COL5A2: variants seen among roughly 807,000 people sequenced by gnomAD.
The protein encoded by COL5A2 is collagen alpha-2(V) chain.
In COL5A2, 23 loss-of-function variants were observed where a neutral mutation model predicts 208.2. That is an observed-to-expected ratio of 0.11 (90% CI 0.08 to 0.16). The LOEUF is 0.16. COL5A2 is among the 10% of genes least tolerant of loss of function. COL5A2 has a pLI of 1.00. For missense variants in COL5A2, 1,590 were observed against 1,956.4 expected (o/e 0.81, Z 3.53); for synonymous variants, 625 against 628.5 (o/e 0.99, Z 0.08).
chr2:189,329,408 GC>G, the COL5A2 span, among the ~76,000 whole-genome samples: 2 of 152,128 alleles, frequency 1.3e-5, no homozygotes, highest in African/African-American at 4.8e-5. Flanking sequence ...CTATTGTACA[GC>G]ATGGTGACTA....
the COL5A2 span, among the ~76,000 whole-genome samples, chr2:189,330,592 C>T: frequency 6.6e-6 from 1 of 152,182 alleles, no homozygotes; most frequent in Non-Finnish European, 1.5e-5. Flanking sequence ...AGACAGAAAT[C>T]TCTGTCCGTT....
chr2:189,419,253 T>C, the COL5A2 span, among the ~76,000 whole-genome samples: 2 of 152,220 alleles, frequency 1.3e-5, no homozygotes, highest in Non-Finnish European at 2.9e-5. Flanking sequence ...AGTCTACCAA[T>C]GTACAAGTTC....
chr2:189,187,248 T>C (rs901728725), intron 1 of COL5A2, among the ~76,000 whole-genome samples: 2 of 152,240 alleles, frequency 1.3e-5, no homozygotes, highest in Non-Finnish European at 2.9e-5. Flanking sequence ...AAGTGACTTG[T>C]CAGAAGTCAC....
the COL5A2 span, among the ~76,000 whole-genome samples, chr2:189,428,629 A>T: frequency 6.7e-6 from 1 of 148,268 alleles, no homozygotes; most frequent in East Asian, 1.9e-4. Context: ...AAAAAAAAAT[A>T]AAAAAGTATG....
the COL5A2 span, among the ~76,000 whole-genome samples, chr2:189,284,716 G>A: frequency 6.6e-6 from 1 of 152,054 alleles, no homozygotes; most frequent in Non-Finnish European, 1.5e-5. Context: ...TTAACAACAA[G>A]GATATTTTCT....
chr2:189,160,427 A>G (rs551684633), intron 1 of COL5A2, among the ~76,000 whole-genome samples: 1 of 151,984 alleles, frequency 6.6e-6, no homozygotes, highest in South Asian at 2.1e-4. Flanking sequence ...CTTTTTTTCT[A>G]TCTTCAACAT....
chr2:189,100,141 T>C lies in COL5A2; in HGVS notation c.337-2A>G. 1 of 1,610,528 alleles carries C rather than the reference T, an allele frequency of 6.2e-7. No individual in the cohort carries two copies. Among genetic ancestry groups the C allele is most frequent in the Non-Finnish European group, 8.5e-7 (1 of 1,176,986 alleles). On this transcript the variant is annotated splice_acceptor_variant, in intron 3 of 53. Transcript: ENST00000374866. LOFTEE classifies it high-confidence loss of function. ...TAATCCTGGTTCTCCCTTTTGTCCC[T>C]GTGACATTAAAAACAATTCAAAAAT...
chr2:189,035,248 T>C (rs995102589), intron 52 of COL5A2, 93 bp from the exon 53 acceptor site: 7 of 1,488,412 alleles, frequency 4.7e-6, no homozygotes, highest in East Asian at 4.8e-5. Flanking sequence ...TGATTTCAGA[T>C]AAATCAATTT....
At chr2:189,117,639 C>A (rs1687418851) in intron 1 of COL5A2, among the ~76,000 whole-genome samples, 1 of 151,966 alleles carries the variant, frequency 6.6e-6, no homozygotes, top group South Asian at 2.1e-4. Context: ...GGTCTTAGCT[C>A]AAATGTTACC....
the COL5A2 span, among the ~76,000 whole-genome samples, chr2:189,404,115 A>C: frequency 6.6e-6 from 1 of 152,224 alleles, no homozygotes; most frequent in Non-Finnish European, 1.5e-5. Context: ...TAACATGATC[A>C]CATGAGTGAT....
At position 189,085,166 on chromosome 2, in the gene COL5A2, C is replaced by T; in HGVS notation, c.792G>A (p.Gly264=). The T allele has an allele frequency of 6.2e-7, 1 of 1,612,018 alleles. No individual in the cohort carries two copies. Among genetic ancestry groups the T allele is most frequent in the South Asian group, 1.1e-5 (1 of 90,706 alleles). The part of the protein sequence containing the change: ...RGPEGPPGKP[G]EDGEPGRNGN... ...ATGAGGAAAGGTAGCTTACATCTTC[C>T]CCAGGTTTACCAGGAGGGCCCTCTG... Residue 264 remains glycine (G), a synonymous_variant, in exon 11 of 54, where the codon GGG becomes GGA. Coordinates refer to ENST00000374866, the MANE Select transcript of COL5A2 (RefSeq NM_000393.5).
chr2:189,426,106 A>G, the COL5A2 span, among the ~76,000 whole-genome samples: 3 of 152,202 alleles, frequency 2.0e-5, no homozygotes, highest in African/African-American at 7.2e-5. Context: ...GGCAGGTTGG[A>G]AGAGTTTGGA....
chr2:189,407,379 G>C, the COL5A2 span, among the ~76,000 whole-genome samples: 1 of 152,084 alleles, frequency 6.6e-6, no homozygotes, highest in African/African-American at 2.4e-5. Flanking sequence ...AGCTACAGCT[G>C]TTTTGAATCA....
In COL5A2 at chr2:189,081,058, T is replaced by C. The variant is rs1379869899; in HGVS notation, c.853-15A>G. 6.2e-7 allele frequency: 1 copy of C among 1,611,326 alleles called. No individual in the cohort carries two copies. Among genetic ancestry groups the C allele is most frequent in the African/African-American group, 1.3e-5 (1 of 74,936 alleles). The stretch of plus-strand genomic sequence containing the variant: ...CCACGAGCTCCCTGGGAGGAAAACA[T>C]AGATAGGGCATTTTACAGTCATTAA... On this transcript the variant is annotated splice_polypyrimidine_tract_variant and intron_variant, in intron 12 of 53. Coordinates refer to ENST00000374866, the MANE Select transcript of COL5A2 (RefSeq NM_000393.5).
the COL5A2 span, among the ~76,000 whole-genome samples, chr2:189,434,773 T>A: frequency 6.6e-6 from 1 of 152,188 alleles, no homozygotes; most frequent in South Asian, 2.1e-4. Flanking sequence ...ATAGATTCAA[T>A]GCCATCCCCA....
the COL5A2 span, among the ~76,000 whole-genome samples, chr2:189,403,113 A>G: frequency 3.3e-5 from 5 of 152,096 alleles, no homozygotes; most frequent in African/African-American, 1.2e-4. Context: ...CTCTCCTTGA[A>G]GAGATTTCTC....
At chr2:189,354,972 A>G in the COL5A2 span, among the ~76,000 whole-genome samples, 1 of 152,192 alleles carries the variant, frequency 6.6e-6, no homozygotes, top group Non-Finnish European at 1.5e-5. Context: ...AGATTCTGGT[A>G]CGTTGTATCT....
chr2:189,177,036 A>G (rs1688690915), intron 1 of COL5A2, among the ~76,000 whole-genome samples: 1 of 152,198 alleles, frequency 6.6e-6, no homozygotes, highest in East Asian at 1.9e-4. Flanking sequence ...CTCAGATTAC[A>G]TTTTACATTT....
At chr2:189,345,167 T>C in the COL5A2 span, among the ~76,000 whole-genome samples, 2 of 152,186 alleles carry the variant, frequency 1.3e-5, no homozygotes, top group African/African-American at 4.8e-5. Context: ...ATTATTGGTC[T>C]TACAATTTTA....
Sources: gnomAD v4.1 joint callset for allele counts (sites outside exome capture counted in the v4.1 genomes callset) on GRCh38, gnomAD v4.1.1 for gene constraint, MANE v1.5 for transcripts, NCBI Gene and HGNC (gene_info 2026-07-23, HGNC 2026-07-21) for gene names.